The following GRM8 variants were observed in gnomAD, a reference collection of about 807,000 sequenced individuals.
GRM8 encodes the protein glutamate metabotropic receptor 8.
A neutral mutation model predicts 87.2 loss-of-function variants in GRM8; 47 were observed. The ratio of observed to expected loss-of-function variants is 0.54; its 90% CI spans 0.43 to 0.69. GRM8 has a LOEUF of 0.69. Ranked by LOEUF, GRM8 falls within the 30% of genes least tolerant of loss-of-function variation. The probability of loss-of-function intolerance (pLI) is 0.00; values close to 1 mark genes in which losing one functional copy is unlikely to be tolerated. For missense variants in GRM8, 1,019 were observed against 1,139.2 expected, an observed-to-expected ratio of 0.89 and a Z score of 1.52; for synonymous variants, 396 against 404.5, an observed-to-expected ratio of 0.98 and a Z score of 0.25.
At chr7:126,455,018 T>C (rs1267234231) in intron 9 of GRM8, among the ~76,000 whole-genome samples, 1 of 151,706 alleles carries the variant, frequency 6.6e-6, no homozygotes, top group Admixed American at 6.6e-5. Flanking sequence ...AATATACCAA[T>C]AGAATCTCAA....
chr7:127,245,312 ACC>A (rs2116893992), intron 1 of GRM8, among the ~76,000 whole-genome samples: 1 of 152,296 alleles, frequency 6.6e-6, no homozygotes, highest in African/African-American at 2.4e-5. Context: ...GGCTGAGCCG[ACC>A]CTTGTTCTGA....
chr7:126,650,637 A>G lies in GRM8; in HGVS notation c.1358-41139T>C, dbSNP rs756151152. On this transcript the variant is annotated intron_variant, in intron 7 of 10. Transcript: ENST00000339582. ...AAGCATGATTGGAAAATTGGCAACA[A>G]AGAAATTTGGGGAAGAGTTATGTGA... is the stretch of plus-strand genomic sequence containing the variant. Among the ~76,000 whole-genome samples the G allele has an allele frequency of 4.1e-4, 62 of 152,028 alleles. 2 individuals are homozygous for G. The highest frequency in any genetic ancestry group is 1.0e-4 in the Non-Finnish European group (7 of 68,020).
intron 2 of GRM8, among the ~76,000 whole-genome samples, chr7:127,114,345 T>C (rs1042185112): frequency 5.9e-5 from 9 of 151,776 alleles, no homozygotes; most frequent in African/African-American, 1.7e-4. Flanking sequence ...GAGCCAGGAG[T>C]ACACTATATT....
rs1435305565 is a variant in GRM8, at chr7:126,763,373, T to C, written c.1357+6492A>G. Among the ~76,000 whole-genome samples the C allele has an allele frequency of 4.0e-5, 6 of 148,316 alleles. No individual in the cohort carries two copies. In the East Asian group the frequency reaches 1.2e-3, roughly 29 times the overall value. On this transcript the variant is annotated intron_variant, in intron 7 of 10. Transcript: ENST00000339582. ...AAAATCATCTCAGTTGAATCTACTGTAAACTCTTAATCAATAAAATGTTAT... is the reference window on the plus strand; with the variant it reads ...AAAATCATCTCAGTTGAATCTACTGCAAACTCTTAATCAATAAAATGTTAT...
At chr7:126,479,754 AG>A (rs773440094) in intron 9 of GRM8, among the ~76,000 whole-genome samples, 2,653 of 149,236 alleles carry the variant, frequency 0.018, 37 homozygotes, top group Non-Finnish European at 0.024. Flanking sequence ...ACAGACAGAC[AG>A]ACAGACAGAC....
chr7:126,702,705 G>C (rs1810067055), intron 7 of GRM8, among the ~76,000 whole-genome samples: 1 of 152,154 alleles, frequency 6.6e-6, no homozygotes, highest in Admixed American at 6.6e-5. Flanking sequence ...GATGTAGAGG[G>C]CCAGTTCTGT....
intron 3 of GRM8, among the ~76,000 whole-genome samples, chr7:127,012,112 C>T (rs1157111705): frequency 1.3e-5 from 2 of 152,156 alleles, no homozygotes; most frequent in African/African-American, 4.8e-5. Context: ...TAACTGTCAA[C>T]TCACCTGGAT....
In GRM8 at chr7:126,826,182, C is replaced by T. The variant is rs1444156687; in HGVS notation, c.1157-56117G>A. Among the ~76,000 whole-genome samples the T allele has an allele frequency of 3.3e-5, 5 of 152,052 alleles. No individual in the cohort carries two copies. In the East Asian group the frequency reaches 5.8e-4, roughly 18 times the overall value. On this transcript the variant is annotated intron_variant, in intron 6 of 10. Transcript: ENST00000339582. ...TGTGAATAGTGCCACAATAAACATA[C>T]GTGTGCATGTGTCTTTATAGTAGCA...
chr7:127,211,530 A>C (rs181561359), intron 2 of GRM8, among the ~76,000 whole-genome samples: 1 of 152,356 alleles, frequency 6.6e-6, no homozygotes, highest in African/African-American at 2.4e-5. Context: ...TCACAGATAC[A>C]CCAAGGAACA....
chr7:126,855,770 C>T (rs1426201738), intron 6 of GRM8, among the ~76,000 whole-genome samples: 3 of 152,222 alleles, frequency 2.0e-5, no homozygotes, highest in East Asian at 1.9e-4. Flanking sequence ...CCACCATGCC[C>T]GGCCCTCTTA....
At chr7:127,200,029 C>T (rs1795501572) in intron 2 of GRM8, among the ~76,000 whole-genome samples, 2 of 152,120 alleles carry the variant, frequency 1.3e-5, no homozygotes, top group Non-Finnish European at 2.9e-5. Flanking sequence ...TATGGACTAA[C>T]CCAAAATTGT....
chr7:126,653,300 C>CAAAAA (rs35546815), intron 7 of GRM8, among the ~76,000 whole-genome samples: 27,967 of 107,400 alleles, frequency 0.26, 4,045 homozygotes, highest in East Asian at 0.39. Context: ...ATCCTGTCTC[C>CAAAAA]AAAAAAAAAA....
chr7:126,835,750 T>C lies in GRM8; in HGVS notation c.1157-65685A>G, dbSNP rs1795779768. Among the ~76,000 whole-genome samples the C allele has an allele frequency of 2.0e-5, 3 of 152,322 alleles. No homozygotes were observed. In the South Asian group the frequency reaches 6.2e-4, roughly 32 times the overall value. ...CTCAGGAAAACTAAAATTATGTGGATAATCCCATCTCTATGTCCTGTCTCT... is the reference window on the plus strand; with the variant it reads ...CTCAGGAAAACTAAAATTATGTGGACAATCCCATCTCTATGTCCTGTCTCT... On this transcript the variant is annotated intron_variant, in intron 6 of 10. Transcript: ENST00000339582.
intron 6 of GRM8, among the ~76,000 whole-genome samples, chr7:126,844,500 A>G (rs1448272566): frequency 6.6e-6 from 1 of 152,200 alleles, no homozygotes; most frequent in Non-Finnish European, 1.5e-5. Flanking sequence ...AGTCCTCACA[A>G]TGATCTTGTG....
intron 3 of GRM8, among the ~76,000 whole-genome samples, chr7:127,004,865 T>C (rs1304679997): frequency 6.6e-6 from 1 of 151,632 alleles, no homozygotes; most frequent in African/African-American, 2.4e-5. Context: ...ATACAGTCAT[T>C]AACTTAAAAA....
chr7:126,439,308 A>G (rs1801184484), intron 10 of GRM8, 140 bp from the exon 11 acceptor site: 1 of 634,864 alleles, frequency 1.6e-6, no homozygotes, highest in Non-Finnish European at 2.8e-6. Context: ...TTTTTAAACC[A>G]TTCACAGTCA....
intron 3 of GRM8, among the ~76,000 whole-genome samples, chr7:126,913,779 G>A (rs1275047531): frequency 2.0e-5 from 3 of 152,208 alleles, no homozygotes; most frequent in African/African-American, 4.8e-5. Flanking sequence ...CTCATGTGGC[G>A]TACAACTGGG....
chr7:126,757,186 A>G (rs1431959301), intron 7 of GRM8, among the ~76,000 whole-genome samples: 2 of 152,138 alleles, frequency 1.3e-5, no homozygotes, highest in Non-Finnish European at 2.9e-5. Context: ...ATGAAGCCGG[A>G]CATTTAAAAG....
At chr7:126,742,570 T>C (rs1041508284) in intron 7 of GRM8, among the ~76,000 whole-genome samples, 5 of 152,036 alleles carry the variant, frequency 3.3e-5, no homozygotes, top group African/African-American at 9.6e-5. Context: ...AACTCACCAT[T>C]AATCAACCAC....
Sources: allele counts gnomAD v4.1 joint callset (sites outside exome capture counted in the v4.1 genomes callset), GRCh38; gene constraint gnomAD v4.1.1; transcripts MANE v1.5; gene names NCBI Gene and HGNC (gene_info 2026-07-23, HGNC 2026-07-21).